The following TMEM248 variants were observed in gnomAD, a reference collection of about 807,000 sequenced individuals.
The protein encoded by TMEM248 is UPF0458 protein C7orf42.
In TMEM248, 9 loss-of-function variants were observed where a neutral mutation model predicts 30.3. The observed-to-expected ratio is 0.30, with a 90% confidence interval of 0.18 to 0.52. The LOEUF is 0.52. Among genes scored for constraint, TMEM248 ranks in the 20% least tolerant of loss-of-function variants. TMEM248 has a pLI of 0.97. For missense variants in TMEM248, 338 were observed against 403.3 expected (o/e 0.84, Z 1.39); for synonymous variants, 184 against 154.4 (o/e 1.19, Z -1.42).
At chr7:66,951,301 C>T (rs1222487123) in intron 5 of TMEM248, 166 bp downstream of exon 5, 2 of 537,868 alleles carry the variant, frequency 3.7e-6, no homozygotes, top group Non-Finnish European at 5.8e-6. Flanking sequence ...GTGGTGGATG[C>T]TTGGAAAAAC....
chr7:66,955,219 C>T (rs2129226855), intron 6 of TMEM248, among the ~76,000 whole-genome samples: 1 of 152,150 alleles, frequency 6.6e-6, no homozygotes, highest in East Asian at 1.9e-4. Flanking sequence ...CCTACGATTG[C>T]ACCACTGCAC....
intron 1 of TMEM248, among the ~76,000 whole-genome samples, chr7:66,923,711 T>C (rs10279240): frequency 0.16 from 23,851 of 152,206 alleles, 2,236 homozygotes; most frequent in East Asian, 0.29. Flanking sequence ...GATGGAGTCT[T>C]GCTCTGTTGC....
At chr7:66,935,443 AAAGTGTT>A (rs1791776469) in intron 1 of TMEM248, among the ~76,000 whole-genome samples, 1 of 152,198 alleles carries the variant, frequency 6.6e-6, no homozygotes, top group South Asian at 2.1e-4. Context: ...TTGGCCTCCC[AAAGTGTT>A]GGGATTACAG....
intron 2 of TMEM248, 57 bp from the exon 3 acceptor site, chr7:66,944,919 G>T (rs74848881): frequency 6.3e-6 from 10 of 1,577,842 alleles, no homozygotes; most frequent in South Asian, 1.1e-5. Context: ...CTGTATTCCC[G>T]CAGTGGGAGA....
chr7:66,943,449 G>A (rs753575320), intron 2 of TMEM248, among the ~76,000 whole-genome samples: 3 of 152,186 alleles, frequency 2.0e-5, no homozygotes, highest in Non-Finnish European at 4.4e-5. Flanking sequence ...GATTAGTTTC[G>A]TGATTTTTGT....
chr7:66,947,350 C>T (rs1792133642), intron 3 of TMEM248, among the ~76,000 whole-genome samples: 1 of 151,976 alleles, frequency 6.6e-6, no homozygotes, highest in African/African-American at 2.4e-5. Context: ...TCTGGGTTTT[C>T]CATGTAGCAA....
chr7:66,947,214 CAA>C (rs565294304), intron 3 of TMEM248, among the ~76,000 whole-genome samples: 6 of 58,812 alleles, frequency 1.0e-4, no homozygotes, highest in Admixed American at 2.0e-4. Flanking sequence ...GACCCTGTCT[CAA>C]AAAAAAAAAA....
intron 1 of TMEM248, among the ~76,000 whole-genome samples, chr7:66,937,337 T>G (rs35043782): frequency 0.1 from 15,707 of 152,276 alleles, 993 homozygotes; most frequent in South Asian, 0.2. Context: ...TGGCCTAACG[T>G]GGTCTATTTT....
At chr7:66,933,171 T>C (rs1791712915) in intron 1 of TMEM248, among the ~76,000 whole-genome samples, 1 of 152,172 alleles carries the variant, frequency 6.6e-6, no homozygotes, top group South Asian at 2.1e-4. Context: ...CCGCTTTGTT[T>C]TGGTGGTTGT....
intron 1 of TMEM248, among the ~76,000 whole-genome samples, chr7:66,925,002 C>T (rs1791486381): frequency 6.6e-6 from 1 of 152,018 alleles, no homozygotes; most frequent in Non-Finnish European, 1.5e-5. Context: ...AGCCACCAGC[C>T]CCGGCCCTAT....
rs987174593 is a variant in TMEM248, at chr7:66,957,319, G to T, written c.*1797G>T. 1.3e-5 allele frequency: 2 copies of T among 152,196 alleles called. No individual in the cohort carries two copies. Among genetic ancestry groups the T allele is most frequent in the Admixed American group, 1.3e-4 (2 of 15,270 alleles). The allele number at this position is 152,196 out of a possible 1,614,324, so 9.4% of individuals were successfully genotyped here. On this transcript the variant is annotated 3_prime_UTR_variant, in exon 7 of 7. Transcript: ENST00000341567. ...AGGCATTTTTGAATAGAAAACAGTT[G>T]CGTGCTTTTATTGAAGATTGTTAAA...
chr7:66,925,074 T>C (rs1584393418), intron 1 of TMEM248, among the ~76,000 whole-genome samples: 1 of 151,916 alleles, frequency 6.6e-6, no homozygotes, highest in African/African-American at 2.4e-5. Context: ...CTGGCTGGAG[T>C]GCTGTGGGTG....
intron 2 of TMEM248, among the ~76,000 whole-genome samples, chr7:66,942,819 C>G (rs1791999146): frequency 6.7e-6 from 1 of 150,252 alleles, no homozygotes; most frequent in Admixed American, 6.7e-5. Flanking sequence ...TTAGTAGATT[C>G]CTTGGGTGCC....
intron 1 of TMEM248, among the ~76,000 whole-genome samples, chr7:66,925,766 C>T (rs1365286769): frequency 1.3e-5 from 2 of 151,040 alleles, no homozygotes; most frequent in Non-Finnish European, 2.9e-5. Flanking sequence ...CTCAGCCTCC[C>T]GAGTAGCTGA....
rs1032349660 is a variant in TMEM248 at position 66,957,983 on chromosome 7, G to T, written c.*2461G>T. On this transcript the variant is annotated 3_prime_UTR_variant, in exon 7 of 7. Transcript: ENST00000341567. Reference sequence around the variant, plus strand: ...GAGGAGGCCTGGGGGCCTGGACGAAGAGGCCTAGGACCTGAAGAGACTCCA... The same window carrying T: ...GAGGAGGCCTGGGGGCCTGGACGAATAGGCCTAGGACCTGAAGAGACTCCA... The T allele has an allele frequency of 6.6e-6, 1 of 152,348 alleles. No homozygotes were observed. Among genetic ancestry groups the T allele is most frequent in the African/African-American group, 2.4e-5 (1 of 41,476 alleles). 9.4% of individuals were successfully genotyped at this position (152,348 alleles called of 1,614,324 possible).
chr7:66,952,006 C>A (rs988166736), intron 5 of TMEM248, among the ~76,000 whole-genome samples: 1 of 152,074 alleles, frequency 6.6e-6, no homozygotes, highest in Non-Finnish European at 1.5e-5. Flanking sequence ...TAAATATGTT[C>A]CTTTCTGGCA....
intron 1 of TMEM248, among the ~76,000 whole-genome samples, chr7:66,926,954 T>C (rs1429483234): frequency 6.6e-6 from 1 of 152,196 alleles, no homozygotes; most frequent in Admixed American, 6.6e-5. Context: ...TTCAAACATG[T>C]CCCAGTCTTA....
At chr7:66,948,739 T>C (rs1415261758) in intron 4 of TMEM248, 45 bp downstream of exon 4, 2 of 1,578,780 alleles carry the variant, frequency 1.3e-6, no homozygotes, top group South Asian at 1.1e-5. Context: ...CAAGCTCCAC[T>C]TGCCGTGAGT....
chr7:66,925,431 C>G (rs936240438), intron 1 of TMEM248, among the ~76,000 whole-genome samples: 1 of 152,158 alleles, frequency 6.6e-6, no homozygotes, highest in Non-Finnish European at 1.5e-5. Context: ...TGTTCCCCAC[C>G]CCCTGCTTCT....
Sources: allele counts gnomAD v4.1 joint callset (sites outside exome capture counted in the v4.1 genomes callset), GRCh38; gene constraint gnomAD v4.1.1; transcripts MANE v1.5; gene names NCBI Gene and HGNC (gene_info 2026-07-23, HGNC 2026-07-21).